Variants in FGGY observed in about 807,000 individuals in gnomAD.
FGGY encodes the protein FGGY carbohydrate kinase domain-containing protein.
Under a neutral mutation model 71.3 loss-of-function variants are expected in FGGY, and 72 were observed. That is an observed-to-expected ratio of 1.01 (90% CI 0.84 to 1.23). The LOEUF (loss-of-function observed/expected upper bound fraction) is 1.23, where lower values mean the gene tolerates loss of function less well. FGGY is among the 50% of genes most tolerant of loss of function. The pLI, the probability that FGGY is intolerant of heterozygous loss-of-function variation, is 0.00. For synonymous variants in FGGY, 251 were observed against 250.3 expected, an observed-to-expected ratio of 1.00 and a Z score of -0.02; for missense variants, 668 against 682.3, an observed-to-expected ratio of 0.98 and a Z score of 0.23.
intron 7 of FGGY, among the ~76,000 whole-genome samples, chr1:59,527,102 T>C (rs1040139567): frequency 3.3e-5 from 5 of 152,200 alleles, no homozygotes; most frequent in Admixed American, 2.0e-4. Flanking sequence ...ATGTGAAAAA[T>C]ATCTGGAATA....
intron 10 of FGGY, among the ~76,000 whole-genome samples, chr1:59,635,103 C>T (rs946069111): frequency 1.3e-5 from 2 of 151,984 alleles, no homozygotes; most frequent in Non-Finnish European, 2.9e-5. Flanking sequence ...ATAAAACATG[C>T]AAAATGACAC....
At chr1:59,471,405 G>A (rs1408586577) in intron 6 of FGGY, among the ~76,000 whole-genome samples, 3 of 152,154 alleles carry the variant, frequency 2.0e-5, no homozygotes, top group African/African-American at 7.2e-5. Flanking sequence ...TGAAGATGGA[G>A]TAATATAGAG....
At chr1:59,408,544 T>G (rs1436979992) in intron 5 of FGGY, among the ~76,000 whole-genome samples, 1 of 152,194 alleles carries the variant, frequency 6.6e-6, no homozygotes, top group African/African-American at 2.4e-5. Flanking sequence ...TTGGCACACA[T>G]ATGTGTGCAC....
At chr1:59,428,687 T>C (rs981591971) in intron 5 of FGGY, among the ~76,000 whole-genome samples, 5 of 152,216 alleles carry the variant, frequency 3.3e-5, no homozygotes, top group Non-Finnish European at 4.4e-5. Flanking sequence ...TAAAACATCC[T>C]ATAGTGCCCC....
intron 9 of FGGY, among the ~76,000 whole-genome samples, chr1:59,613,081 C>T (rs1454768990): frequency 6.6e-6 from 1 of 152,156 alleles, no homozygotes; most frequent in African/African-American, 2.4e-5. Context: ...CAACATTAGA[C>T]AGATCAACGA....
chr1:59,339,486 T>TG (rs2050223413), intron 2 of FGGY, among the ~76,000 whole-genome samples: 4 of 151,870 alleles, frequency 2.6e-5, no homozygotes, highest in Admixed American at 2.6e-4. Context: ...TTTTTTGAGA[T>TG]GGAGTTTCGC....
chr1:59,560,159 C>T (rs968968304), intron 8 of FGGY, among the ~76,000 whole-genome samples: 5 of 152,188 alleles, frequency 3.3e-5, no homozygotes, highest in Admixed American at 6.5e-5. Flanking sequence ...GAAAATGACA[C>T]TTTGTCTCTG....
chr1:59,594,864 G>A (rs756332186), intron 8 of FGGY, among the ~76,000 whole-genome samples: 1 of 152,216 alleles, frequency 6.6e-6, no homozygotes, highest in African/African-American at 2.4e-5. Flanking sequence ...CACATGATGA[G>A]TGGAGAGAGA....
Position 59,693,188 on chromosome 1 carries a change from C to T in FGGY, c.1512+19055C>T, listed in dbSNP as rs140350496. On this transcript the variant is annotated intron_variant, in intron 14 of 15. Transcript: ENST00000303721. ...AATTCACAAATACAAAATATTAACA[C>T]CAAGAGACAGCTTGACGTGCTAGAA... 8.7e-3 allele frequency among the ~76,000 whole-genome samples: 1,328 copies of T among 152,318 alleles called. 5 individuals carry two copies. Among genetic ancestry groups the T allele is most frequent in the Non-Finnish European group, 0.014 (950 of 68,026 alleles).
At chr1:59,745,341 A>T (rs2098186749) in intron 14 of FGGY, among the ~76,000 whole-genome samples, 1 of 152,206 alleles carries the variant, frequency 6.6e-6, no homozygotes, top group African/African-American at 2.4e-5. Flanking sequence ...CTTGCCTCTT[A>T]GCTTCGATTA....
intron 8 of FGGY, among the ~76,000 whole-genome samples, chr1:59,566,700 A>G (rs1334926487): frequency 6.6e-6 from 1 of 152,198 alleles, no homozygotes; most frequent in African/African-American, 2.4e-5. Flanking sequence ...GCATTAGAAT[A>G]AAACCGAAGT....
At chr1:59,393,812 A>G (rs947480013) in intron 5 of FGGY, among the ~76,000 whole-genome samples, 1 of 152,162 alleles carries the variant, frequency 6.6e-6, no homozygotes, top group South Asian at 2.1e-4. Context: ...TCAGAATTTC[A>G]TGTAATAAAA....
intron 5 of FGGY, among the ~76,000 whole-genome samples, chr1:59,428,400 T>G (rs2066753468): frequency 6.6e-6 from 1 of 152,204 alleles, no homozygotes; most frequent in Non-Finnish European, 1.5e-5. Context: ...TCTGTCTGCC[T>G]CCAGAACCGA....
intron 9 of FGGY, among the ~76,000 whole-genome samples, chr1:59,615,297 C>T (rs1043163924): frequency 6.6e-6 from 1 of 152,140 alleles, no homozygotes; most frequent in African/African-American, 2.4e-5. Flanking sequence ...GGTATCATAA[C>T]AGAGATATAG....
At chr1:59,619,864 T>C (rs937593097) in intron 9 of FGGY, among the ~76,000 whole-genome samples, 1 of 151,956 alleles carries the variant, frequency 6.6e-6, no homozygotes, top group Non-Finnish European at 1.5e-5. Context: ...AAAGAGGCTA[T>C]TGTAGTAAGC....
chr1:59,487,974 G>A (rs1271926584), intron 6 of FGGY, among the ~76,000 whole-genome samples: 1 of 152,120 alleles, frequency 6.6e-6, no homozygotes, highest in Non-Finnish European at 1.5e-5. Flanking sequence ...AACAATTTCA[G>A]CACTCTGATA....
intron 3 of FGGY, among the ~76,000 whole-genome samples, chr1:59,340,872 C>T (rs922086316): frequency 3.3e-5 from 5 of 152,152 alleles, no homozygotes; most frequent in Non-Finnish European, 7.4e-5. Flanking sequence ...TTGTAATGAG[C>T]AGATGACATT....
intron 1 of FGGY, among the ~76,000 whole-genome samples, chr1:59,298,989 A>G (rs1306926436): frequency 3.3e-5 from 5 of 152,236 alleles, no homozygotes; most frequent in African/African-American, 9.6e-5. Context: ...TCAAGCTTTC[A>G]TCCAGTTTGC....
intron 14 of FGGY, among the ~76,000 whole-genome samples, chr1:59,683,314 A>G (rs1194337228): frequency 1.3e-5 from 2 of 152,222 alleles, no homozygotes; most frequent in Non-Finnish European, 2.9e-5. Flanking sequence ...TCCAAAGTCC[A>G]TGCCCCTCAC....
Sources: allele counts gnomAD v4.1 joint callset (sites outside exome capture counted in the v4.1 genomes callset), GRCh38; gene constraint gnomAD v4.1.1; transcripts MANE v1.5; gene names NCBI Gene and HGNC (gene_info 2026-07-23, HGNC 2026-07-21).